The following SPATA17 variants were observed in gnomAD, a reference collection of about 807,000 sequenced individuals.
SPATA17 encodes the protein spermatogenesis associated 17, also known as spermatogenesis-associated protein 17.
SPATA17 carries 53 observed loss-of-function variants against 62.2 expected under a neutral mutation model. The ratio of observed to expected loss-of-function variants is 0.85; its 90% CI spans 0.68 to 1.07. The LOEUF (loss-of-function observed/expected upper bound fraction) is 1.07, where lower values mean the gene tolerates loss of function less well. Among genes scored for constraint, SPATA17 ranks in the 50% least tolerant of loss-of-function variants. SPATA17 has a pLI of 0.00. For missense variants in SPATA17, 466 were observed against 425.5 expected, an observed-to-expected ratio of 1.10 and a Z score of -0.84; for synonymous variants, 146 against 146.8, an observed-to-expected ratio of 0.99 and a Z score of 0.04.
At chr1:217,643,615 C>A (rs374631083) in intron 1 of SPATA17, among the ~76,000 whole-genome samples, 5 of 152,084 alleles carry the variant, frequency 3.3e-5, no homozygotes, top group African/African-American at 1.2e-4. Flanking sequence ...CAGTGCCCTA[C>A]TTTTCCTGCC....
intron 9 of SPATA17, among the ~76,000 whole-genome samples, chr1:217,841,411 C>A (rs1330119385): frequency 6.6e-6 from 1 of 151,666 alleles, no homozygotes; most frequent in Non-Finnish European, 1.5e-5. Flanking sequence ...ATTTTTAATA[C>A]CTAGAAAAGT....
chr1:217,810,531 A>G (rs1674561749), intron 9 of SPATA17, among the ~76,000 whole-genome samples: 1 of 152,096 alleles, frequency 6.6e-6, no homozygotes, highest in African/African-American at 2.4e-5. Context: ...CTGAGGCAGA[A>G]GAATCACTTG....
chr1:217,703,808 A>G (rs1023563724), intron 5 of SPATA17, among the ~76,000 whole-genome samples: 1 of 152,094 alleles, frequency 6.6e-6, no homozygotes, highest in African/African-American at 2.4e-5. Context: ...AGTCACCTTG[A>G]CTTATAACAT....
chr1:217,762,755 T>C (rs1184897811), intron 6 of SPATA17, among the ~76,000 whole-genome samples: 1 of 152,170 alleles, frequency 6.6e-6, no homozygotes, highest in African/African-American at 2.4e-5. Context: ...GCAGATCACC[T>C]GAGGTCAGGA....
intron 5 of SPATA17, among the ~76,000 whole-genome samples, chr1:217,696,475 G>A (rs1671464169): frequency 6.6e-6 from 1 of 152,164 alleles, no homozygotes; most frequent in South Asian, 2.1e-4. Context: ...GCTCACGCTG[G>A]GAGCTGTAGA....
intron 4 of SPATA17, 152 bp from the exon 5 acceptor site, chr1:217,683,106 A>T (rs758835659): frequency 5.3e-6 from 2 of 374,820 alleles, no homozygotes; most frequent in Non-Finnish European, 9.8e-6. Flanking sequence ...CAGAACCTAT[A>T]TTTACAACTA....
intron 5 of SPATA17, among the ~76,000 whole-genome samples, chr1:217,687,965 C>T (rs1368115160): frequency 9.9e-5 from 15 of 152,164 alleles, no homozygotes; most frequent in Admixed American, 9.2e-4. Context: ...TATATATAAA[C>T]TATGATTAGT....
At chr1:217,849,744 G>C (rs1342212577) in intron 9 of SPATA17, among the ~76,000 whole-genome samples, 1 of 152,076 alleles carries the variant, frequency 6.6e-6, no homozygotes, top group African/African-American at 2.4e-5. Context: ...CCTGAGGGGA[G>C]GAGGGGAGGA....
chr1:217,656,103 C>T (rs1337466939), intron 3 of SPATA17, among the ~76,000 whole-genome samples: 1 of 151,886 alleles, frequency 6.6e-6, no homozygotes, highest in African/African-American at 2.4e-5. Context: ...AGGCTGGTCT[C>T]GAACTCCTGA....
chr1:217,701,004 T>A (rs931420790), intron 5 of SPATA17, among the ~76,000 whole-genome samples: 2 of 152,138 alleles, frequency 1.3e-5, no homozygotes, highest in Admixed American at 1.3e-4. Flanking sequence ...AGACAGGTTC[T>A]TGCTCTGTCA....
At chr1:217,700,068 T>A (rs1671555978) in intron 5 of SPATA17, among the ~76,000 whole-genome samples, 1 of 152,222 alleles carries the variant, frequency 6.6e-6, no homozygotes, top group Non-Finnish European at 1.5e-5. Context: ...ACTGTAACTA[T>A]ATAATAAACC....
At chr1:217,739,262 T>C (rs1483289806) in intron 5 of SPATA17, among the ~76,000 whole-genome samples, 1 of 152,190 alleles carries the variant, frequency 6.6e-6, no homozygotes, top group Non-Finnish European at 1.5e-5. Flanking sequence ...TATGCATGGC[T>C]AATTTAATAA....
intron 9 of SPATA17, among the ~76,000 whole-genome samples, chr1:217,802,951 C>T (rs936694873): frequency 9.9e-5 from 15 of 152,090 alleles, no homozygotes; most frequent in African/African-American, 2.4e-4. Context: ...CTCGCTCTGT[C>T]GCTCAGGCTG....
chr1:217,775,829 C>G (rs898818916), intron 7 of SPATA17, among the ~76,000 whole-genome samples: 1 of 151,810 alleles, frequency 6.6e-6, no homozygotes, highest in Middle Eastern at 3.4e-3. Context: ...AAGTAATTTA[C>G]AAATATATAC....
intron 9 of SPATA17, among the ~76,000 whole-genome samples, chr1:217,843,035 T>A (rs1675446383): frequency 6.6e-6 from 1 of 152,102 alleles, no homozygotes; most frequent in Admixed American, 6.6e-5. Flanking sequence ...CCCAGTTATA[T>A]TTTTATTAAT....
chr1:217,739,599 A>G (rs541296261), intron 5 of SPATA17: 39 of 152,304 alleles, frequency 2.6e-4, no homozygotes, highest in East Asian at 2.3e-3. Context: ...GGTAATTTTT[A>G]TAATTTTGTA....
At chr1:217,710,429 C>T (rs973898827) in intron 5 of SPATA17, among the ~76,000 whole-genome samples, 7 of 151,974 alleles carry the variant, frequency 4.6e-5, no homozygotes, top group African/African-American at 1.7e-4. Flanking sequence ...AACTTAAGAT[C>T]AGTGTAATAT....
rs1673053235 is a variant in SPATA17, at chr1:217,756,737, T to C, written c.519+14639T>C. Among the ~76,000 whole-genome samples, 5 of 152,300 alleles carry C rather than the reference T, an allele frequency of 3.3e-5. No individual in the cohort carries two copies. In the South Asian group the frequency reaches 1.0e-3, roughly 32 times the overall value. On this transcript the variant is annotated intron_variant, in intron 6 of 10. Transcript: ENST00000366933. ...TGAAGCAAGGCTTCATGGGTCCTTATGGACACTTCTTAGGCAATCTATTTG... is the reference window on the plus strand; with the variant it reads ...TGAAGCAAGGCTTCATGGGTCCTTACGGACACTTCTTAGGCAATCTATTTG...
intron 1 of SPATA17, among the ~76,000 whole-genome samples, chr1:217,634,642 T>C (rs1669897169): frequency 6.6e-6 from 1 of 152,216 alleles, no homozygotes; most frequent in Non-Finnish European, 1.5e-5. Flanking sequence ...ATCTTTTAAC[T>C]AATTTGTTAT....
Sources: gnomAD v4.1 joint callset for allele counts (sites outside exome capture counted in the v4.1 genomes callset) on GRCh38, gnomAD v4.1.1 for gene constraint, MANE v1.5 for transcripts, NCBI Gene and HGNC (gene_info 2026-07-23, HGNC 2026-07-21) for gene names.